The following DNAH8 variants were observed in gnomAD, a reference collection of about 807,000 sequenced individuals.
DNAH8 encodes dynein axonemal heavy chain 8, also known as axonemal beta dynein heavy chain 8.
In DNAH8, 382 loss-of-function variants were observed where a neutral mutation model predicts 562.1. The observed-to-expected ratio is 0.68, with a 90% confidence interval of 0.63 to 0.74. DNAH8 has a LOEUF of 0.74. DNAH8 is among the 30% of genes least tolerant of loss of function. The pLI, the probability that DNAH8 is intolerant of heterozygous loss-of-function variation, is 0.00. For missense variants in DNAH8, 5,203 were observed against 5,620.4 expected (o/e 0.93, Z 2.37); for synonymous variants, 1,881 against 1,919.4 (o/e 0.98, Z 0.52).
chr6:38,899,127 A>G (rs1008078734), intron 61 of DNAH8, among the ~76,000 whole-genome samples: 9 of 152,220 alleles, frequency 5.9e-5, no homozygotes, highest in Admixed American at 4.6e-4. Flanking sequence ...TGACAATAAT[A>G]TAAAAGACAG....
chr6:38,937,319 C>T (rs905485894), intron 77 of DNAH8, among the ~76,000 whole-genome samples: 3 of 151,080 alleles, frequency 2.0e-5, no homozygotes, highest in African/African-American at 7.3e-5. Flanking sequence ...CAAACCTGCA[C>T]GTTCTGCATG....
rs1781382392 is a variant in DNAH8, at chr6:38,917,356, A to G, written c.10258A>G (p.Met3420Val). Residue 3420 changes from methionine to valine, a missense_variant, in exon 69 of 93, where the codon ATG (methionine) becomes GTG (valine). Physicochemically the swap from Met to Val is conservative, Grantham distance 21. Transcript: ENST00000327475. The part of the protein sequence containing the change: ...LFQKKIDPVT[M>V]DPEKSCCKPS... ...TCAAAAGAAAATTGACCCTGTTACT[A>G]TGGATCCAGAAAAATCTTGCTGTAA... is the stretch of plus-strand genomic sequence containing the variant. 1.2e-6 allele frequency: 2 copies of G among 1,612,506 alleles called. No homozygotes were observed. The highest frequency in any genetic ancestry group is 1.7e-6 in the Non-Finnish European group (2 of 1,178,670).
intron 3 of DNAH8, among the ~76,000 whole-genome samples, chr6:38,725,678 G>A (rs1404199285): frequency 6.6e-6 from 1 of 152,196 alleles, no homozygotes; most frequent in Non-Finnish European, 1.5e-5. Flanking sequence ...CTGTGGTCAA[G>A]GCTGGCTTCA....
intron 45 of DNAH8, 61 bp from the exon 46 acceptor site, chr6:38,866,530 T>A: frequency 8.5e-7 from 1 of 1,171,772 alleles, no homozygotes; most frequent in Non-Finnish European, 1.2e-6. Context: ...TTGAAATATA[T>A]TTGTATTCAG....
chr6:38,730,695 T>G (rs562104844), intron 4 of DNAH8, among the ~76,000 whole-genome samples: 102 of 152,344 alleles, frequency 6.7e-4, no homozygotes, highest in Middle Eastern at 6.8e-3. Flanking sequence ...TGTTCTGCTG[T>G]TTATTGGATT....
intron 88 of DNAH8, among the ~76,000 whole-genome samples, chr6:38,993,027 G>A (rs1764898318): frequency 6.6e-6 from 1 of 152,050 alleles, no homozygotes; most frequent in African/African-American, 2.4e-5. Flanking sequence ...CTCTGTGTGT[G>A]TGTTTGTGTG....
chr6:38,791,777 GA>G, intron 21 of DNAH8, 103 bp downstream of exon 21: 2 of 1,224,696 alleles, frequency 1.6e-6, no homozygotes, highest in Non-Finnish European at 2.2e-6. Context: ...GTAGCATTTA[GA>G]CTTTTTTTTT....
rs1430726492 is a variant in DNAH8 at position 38,906,303 on chromosome 6, G to A, written c.9244G>A (p.Val3082Ile). ...LTDDLKALYK[V>I]AGADGKGITF... ...AGATGATTTAAAAGCTTTGTACAAA[G>A]TTGCTGGTGCTGATGGAAAAGGCAT... The change falls in exon 63 of 93, where the codon GTT becomes ATT. Residue 3082 changes from valine to isoleucine, a missense_variant. By Grantham distance (29) the Val-to-Ile change is conservative. Transcript: ENST00000327475. 2 of 1,608,694 alleles carry A rather than the reference G, an allele frequency of 1.2e-6. No individual in the cohort carries two copies. Among genetic ancestry groups the A allele is most frequent in the Non-Finnish European group, 8.5e-7 (1 of 1,176,338 alleles).
chr6:38,884,270 T>A (rs1271339990), intron 56 of DNAH8, among the ~76,000 whole-genome samples: 1 of 152,256 alleles, frequency 6.6e-6, no homozygotes, highest in African/African-American at 2.4e-5. Context: ...ACATGTGCCA[T>A]GTTGGTGTGC....
intron 63 of DNAH8, 96 bp from the exon 64 acceptor site, chr6:38,907,860 A>G: frequency 9.4e-7 from 1 of 1,063,976 alleles, no homozygotes; most frequent in Non-Finnish European, 1.3e-6. Context: ...ATGAAACAAG[A>G]TGACATGCAA....
rs184450329 is a variant in DNAH8 at position 38,834,525 on chromosome 6, C to G, written c.4303-54C>G. ...GGAAATAATAGATAAACCCAATAAA[C>G]TGACAAATACATATGATTAAGAATG... On this transcript the variant is annotated intron_variant, in intron 31 of 92. Coordinates refer to ENST00000327475, the MANE Select transcript of DNAH8 (RefSeq NM_001206927.2). 3.4e-3 allele frequency: 4,239 copies of G among 1,252,340 alleles called. 16 individuals are homozygous for G. Among genetic ancestry groups the G allele is most frequent in the South Asian group, 8.8e-3 (602 of 68,362 alleles). The allele number at this position is 1,252,340 out of a possible 1,614,324, so 77.6% of individuals were successfully genotyped here.
intron 24 of DNAH8, among the ~76,000 whole-genome samples, chr6:38,810,284 A>G (rs905477265): frequency 2.6e-5 from 4 of 152,054 alleles, no homozygotes; most frequent in African/African-American, 9.7e-5. Context: ...GAATGCACAT[A>G]TTTTGCTCCA....
At chr6:38,972,256 A>G (rs1316471977) in intron 83 of DNAH8, among the ~76,000 whole-genome samples, 1 of 152,194 alleles carries the variant, frequency 6.6e-6, no homozygotes, top group African/African-American at 2.4e-5. Flanking sequence ...TTATAAAAAT[A>G]AAATAAGATA....
chr6:38,947,905 G>A (rs1043256741), intron 80 of DNAH8, among the ~76,000 whole-genome samples: 1 of 152,120 alleles, frequency 6.6e-6, no homozygotes. Context: ...ACGCTGCCAC[G>A]CCCAGCTAAT....
chr6:38,762,805 C>A (rs1313518981), intron 11 of DNAH8: 58 of 176,126 alleles, frequency 3.3e-4, no homozygotes, highest in Non-Finnish European at 7.0e-5. Context: ...TGCCCTCCAC[C>A]CAGGATGGGA....
intron 58 of DNAH8, among the ~76,000 whole-genome samples, chr6:38,891,554 TG>T (rs979753019): frequency 6.6e-6 from 1 of 152,182 alleles, no homozygotes; most frequent in Non-Finnish European, 1.5e-5. Context: ...AAGAGGAATT[TG>T]GGGGTTTCTT....
chr6:38,940,625 C>T (rs1408419083), intron 79 of DNAH8, among the ~76,000 whole-genome samples: 3 of 152,154 alleles, frequency 2.0e-5, no homozygotes, highest in South Asian at 2.1e-4. Context: ...TGTGCACTGG[C>T]TCTTAAAAGT....
intron 87 of DNAH8, among the ~76,000 whole-genome samples, chr6:38,987,706 T>A (rs1399376361): frequency 6.6e-6 from 1 of 152,172 alleles, no homozygotes; most frequent in Non-Finnish European, 1.5e-5. Context: ...TGGCTTCAAT[T>A]CTCTGACTGT....
intron 61 of DNAH8, 113 bp from the exon 62 acceptor site, chr6:38,899,663 A>G (rs1779940953): frequency 8.4e-7 from 1 of 1,191,272 alleles, no homozygotes; most frequent in Non-Finnish European, 1.2e-6. Context: ...TTAACGAGGA[A>G]AAAGTCTAAT....
Sources: gnomAD v4.1 joint callset for allele counts (sites outside exome capture counted in the v4.1 genomes callset) on GRCh38, gnomAD v4.1.1 for gene constraint, MANE v1.5 for transcripts, NCBI Gene and HGNC (gene_info 2026-07-23, HGNC 2026-07-21) for gene names.